Variants in NPHP1 observed in about 807,000 individuals in gnomAD.
NPHP1 encodes nephrocystin-1.
A neutral mutation model predicts 90.4 loss-of-function variants in NPHP1; 70 were observed. That is an observed-to-expected ratio of 0.77 (90% confidence interval 0.64 to 0.95). The LOEUF (loss-of-function observed/expected upper bound fraction) is 0.95. NPHP1 is among the 40% of genes least tolerant of loss of function. The pLI is 0.00. For missense variants in NPHP1, 764 were observed against 795.9 expected (o/e 0.96, Z 0.48); for synonymous variants, 256 against 271.7 (o/e 0.94, Z 0.57).
chr2:110,126,690 G>A (rs1319347541), intron 18 of NPHP1: 1 of 152,628 alleles, frequency 6.6e-6, no homozygotes, highest in Admixed American at 6.5e-5. Context: ...ACTGTGCTAG[G>A]TAAGTAAACT....
chr2:110,134,254 G>A (rs537679799), intron 16 of NPHP1, among the ~76,000 whole-genome samples: 2 of 152,014 alleles, frequency 1.3e-5, no homozygotes, highest in Admixed American at 1.3e-4. Flanking sequence ...AAATGAAACA[G>A]GCACATTTCT....
At chr2:110,172,956 C>A in intron 4 of NPHP1, among the ~76,000 whole-genome samples, 1 of 141,322 alleles carries the variant, frequency 7.1e-6, no homozygotes, top group Admixed American at 6.8e-5. Context: ...TTTTCTTTTT[C>A]TTTTTCTTTT....
intron 2 of NPHP1, among the ~76,000 whole-genome samples, chr2:110,194,067 A>C (rs1684955244): frequency 6.6e-6 from 1 of 152,160 alleles, no homozygotes; most frequent in African/African-American, 2.4e-5. Flanking sequence ...AAAGAAATAA[A>C]ATTGACACCC....
At chr2:110,169,681 T>C (rs1443321782) in intron 5 of NPHP1, 125 bp downstream of exon 5, 9 of 702,746 alleles carry the variant, frequency 1.3e-5, no homozygotes, top group Non-Finnish European at 2.3e-5. Flanking sequence ...TTATTACTTA[T>C]TTAAATAGAT....
intron 4 of NPHP1, 57 bp from the exon 5 acceptor site, chr2:110,170,055 C>A (rs1277238047): frequency 2.5e-6 from 4 of 1,606,802 alleles, no homozygotes; most frequent in Non-Finnish European, 3.4e-6. Context: ...AACAGACCAG[C>A]TATGAGTGTA....
chr2:110,154,280 A>G (rs1311491399), intron 11 of NPHP1, among the ~76,000 whole-genome samples: 1 of 152,182 alleles, frequency 6.6e-6, no homozygotes, highest in Non-Finnish European at 1.5e-5. Context: ...AGGCCTCCTC[A>G]GACACGTGGA....
At chr2:110,181,430 GA>G (rs1683899843) in intron 2 of NPHP1, among the ~76,000 whole-genome samples, 2 of 152,170 alleles carry the variant, frequency 1.3e-5, no homozygotes, top group African/African-American at 4.8e-5. Flanking sequence ...GCTTCCAGAG[GA>G]AGGAGCTGGC....
At chr2:110,140,544 T>G (rs981044894) in intron 16 of NPHP1, among the ~76,000 whole-genome samples, 6 of 152,062 alleles carry the variant, frequency 3.9e-5, no homozygotes, top group African/African-American at 1.4e-4. Flanking sequence ...AAACCAGTAT[T>G]TGGGGGCCAA....
intron 11 of NPHP1, among the ~76,000 whole-genome samples, chr2:110,151,437 T>C (rs1204963217): frequency 1.1e-4 from 17 of 152,172 alleles, no homozygotes; most frequent in Admixed American, 1.0e-3. Flanking sequence ...ATGGCCAAAA[T>C]TGACATCTTC....
chr2:110,168,403 G>T, intron 6 of NPHP1, 49 bp downstream of exon 6: 1 of 1,088,452 alleles, frequency 9.2e-7, no homozygotes. Context: ...TTTATTAAAA[G>T]CGAAAAAAAA....
At chr2:110,160,102 T>C (rs1218434568) in intron 11 of NPHP1, 25 bp downstream of exon 11, 1 of 1,608,598 alleles carries the variant, frequency 6.2e-7, no homozygotes, top group South Asian at 1.1e-5. Context: ...CTAGTATGAA[T>C]TGATTTACTT....
intron 11 of NPHP1, among the ~76,000 whole-genome samples, chr2:110,157,273 A>G (rs1237421843): frequency 4.6e-5 from 7 of 152,180 alleles, no homozygotes; most frequent in African/African-American, 9.7e-5. Flanking sequence ...ATGTTCTTAT[A>G]TATGAGAACA....
At chr2:110,157,021 C>T (rs942691964) in intron 11 of NPHP1, among the ~76,000 whole-genome samples, 16 of 151,980 alleles carry the variant, frequency 1.1e-4, no homozygotes, top group Admixed American at 6.6e-4. Context: ...GTGCTCTGCC[C>T]GCCTCGGCCT....
intron 15 of NPHP1, chr2:110,143,850 GC>G: frequency 1.8e-6 from 1 of 543,274 alleles, no homozygotes; most frequent in Non-Finnish European, 3.3e-6. Context: ...CATTATTGCT[GC>G]CAGATTACAA....
intron 11 of NPHP1, among the ~76,000 whole-genome samples, chr2:110,153,421 G>T (rs1385193542): frequency 1.3e-5 from 2 of 152,124 alleles, no homozygotes; most frequent in Non-Finnish European, 2.9e-5. Context: ...TCTTCTTTCA[G>T]GTTTTCCAAA....
intron 6 of NPHP1, among the ~76,000 whole-genome samples, chr2:110,167,138 C>T (rs1020554678): frequency 6.6e-6 from 1 of 151,782 alleles, no homozygotes; most frequent in Non-Finnish European, 1.5e-5. Context: ...TGTATTTGTT[C>T]TTTGTCACTG....
chr2:110,131,392 G>C (rs1032893737), intron 17 of NPHP1, among the ~76,000 whole-genome samples: 4 of 152,076 alleles, frequency 2.6e-5, no homozygotes, highest in African/African-American at 4.8e-5. Context: ...ATTACTCAGA[G>C]ACATTAAGGG....
chr2:110,200,935 T>C (rs1685536604), intron 2 of NPHP1, among the ~76,000 whole-genome samples: 1 of 152,224 alleles, frequency 6.6e-6, no homozygotes. Flanking sequence ...ACAAAGATTA[T>C]CTTAATGATG....
chr2:110,191,371 C>T lies in NPHP1; in HGVS notation c.143+10050G>A, dbSNP rs149949432. Among the ~76,000 whole-genome samples, 832 of 152,296 alleles carry T rather than the reference C, an allele frequency of 5.5e-3. 13 individuals are homozygous for T. Among genetic ancestry groups the T allele is most frequent in the African/African-American group, 0.017 (707 of 41,554 alleles). Reference sequence around the variant, plus strand: ...AACGGCACACCAGGAGATTACATCGCGCACATGGCTCAGAGGGTCCTACGC... The same window carrying T: ...AACGGCACACCAGGAGATTACATCGTGCACATGGCTCAGAGGGTCCTACGC... On this transcript the variant is annotated intron_variant, in intron 2 of 19. Coordinates refer to ENST00000445609, the MANE Select transcript of NPHP1 (RefSeq NM_001128178.3).
Sources: gnomAD v4.1 joint callset for allele counts (sites outside exome capture counted in the v4.1 genomes callset) on GRCh38, gnomAD v4.1.1 for gene constraint, MANE v1.5 for transcripts, NCBI Gene and HGNC (gene_info 2026-07-23, HGNC 2026-07-21) for gene names.